The following SFXN5 variants were observed in gnomAD, a reference collection of about 807,000 sequenced individuals.
SFXN5 encodes the protein sideroflexin 5, also known as sideroflexin-5.
A neutral mutation model predicts 50.2 loss-of-function variants in SFXN5; 43 were observed. The ratio of observed to expected loss-of-function variants is 0.86; its 90% CI spans 0.67 to 1.11. The LOEUF is 1.11. SFXN5 is among the 50% of genes least tolerant of loss of function. The pLI is 0.00. For missense variants in SFXN5, 463 were observed against 454.1 expected (o/e 1.02, Z -0.18); for synonymous variants, 203 against 185.8 (o/e 1.09, Z -0.75).
intron 10 of SFXN5, among the ~76,000 whole-genome samples, chr2:72,977,226 G>A (rs552388556): frequency 1.3e-4 from 20 of 152,272 alleles, no homozygotes; most frequent in African/African-American, 3.9e-4. Context: ...GCAACACTGC[G>A]GGAAGCACCC....
At chr2:72,969,546 C>T (rs1674901261) in intron 11 of SFXN5, among the ~76,000 whole-genome samples, 1 of 151,938 alleles carries the variant, frequency 6.6e-6, no homozygotes, top group Admixed American at 6.6e-5. Flanking sequence ...AGGCATGCCC[C>T]ACCACACCCA....
At position 72,945,150 on chromosome 2, in the gene SFXN5, A is replaced by G; in HGVS notation, c.946-51T>C. 2 of 1,555,742 alleles carry G rather than the reference A, an allele frequency of 1.3e-6. No individual in the cohort carries two copies. Among genetic ancestry groups the G allele is most frequent in the Non-Finnish European group, 1.8e-6 (2 of 1,132,150 alleles). ...AGTGGGGGAGTGGGAAGGGGCAAATAGTGGGGCTGGGAGCTGCAGTGAGGA... is the reference window on the plus strand; with the variant it reads ...AGTGGGGGAGTGGGAAGGGGCAAATGGTGGGGCTGGGAGCTGCAGTGAGGA... On this transcript the variant is annotated intron_variant, in intron 13 of 13. Coordinates refer to ENST00000272433, the MANE Select transcript of SFXN5 (RefSeq NM_144579.3). The surrounding 1 kb of genome is among the most constrained non-coding windows in gnomAD (Gnocchi z 5.8).
intron 3 of SFXN5, among the ~76,000 whole-genome samples, chr2:73,027,286 G>A (rs932046345): frequency 6.6e-6 from 1 of 152,080 alleles, no homozygotes; most frequent in Non-Finnish European, 1.5e-5. Context: ...TAACAAAAAC[G>A]TTTAGAAAGT....
At chr2:72,946,937 TC>T (rs1672009803) in intron 13 of SFXN5, among the ~76,000 whole-genome samples, 1 of 152,180 alleles carries the variant, frequency 6.6e-6, no homozygotes, top group South Asian at 2.1e-4. Context: ...TGATTTTGGT[TC>T]CTCGCACACC....
At chr2:73,043,791 G>A (rs1234688026) in intron 2 of SFXN5, among the ~76,000 whole-genome samples, 2 of 152,174 alleles carry the variant, frequency 1.3e-5, no homozygotes, top group Non-Finnish European at 2.9e-5. Flanking sequence ...TCTTAAATCT[G>A]TAAACATACC....
At chr2:73,018,159 G>A (rs966441318) in intron 6 of SFXN5, among the ~76,000 whole-genome samples, 2 of 151,478 alleles carry the variant, frequency 1.3e-5, no homozygotes, top group Non-Finnish European at 2.9e-5. Flanking sequence ...AGTGAGCCAT[G>A]ATCCTGCCAC....
At chr2:73,065,963 A>C (rs1683147391) in intron 1 of SFXN5, among the ~76,000 whole-genome samples, 1 of 152,178 alleles carries the variant, frequency 6.6e-6, no homozygotes, top group African/African-American at 2.4e-5. Context: ...TCTGGGCCGG[A>C]AGGAAAAACA....
chr2:73,041,173 T>A (rs1217275779), intron 2 of SFXN5, among the ~76,000 whole-genome samples: 3 of 152,136 alleles, frequency 2.0e-5, no homozygotes, highest in African/African-American at 7.2e-5. Context: ...TTTTGTTGAG[T>A]GAAAAAGCAA....
At chr2:72,957,785 CAG>C (rs1673274061) in intron 13 of SFXN5, among the ~76,000 whole-genome samples, 1 of 152,226 alleles carries the variant, frequency 6.6e-6, no homozygotes, top group African/African-American at 2.4e-5. Flanking sequence ...GGGTCCCAAA[CAG>C]GGCTCAAAAC....
At chr2:72,986,679 T>C (rs1464267870) in intron 10 of SFXN5, among the ~76,000 whole-genome samples, 2 of 152,222 alleles carry the variant, frequency 1.3e-5, no homozygotes, top group African/African-American at 4.8e-5. Context: ...TGTTTATTTC[T>C]TTTTAGTTTT....
intron 10 of SFXN5, among the ~76,000 whole-genome samples, chr2:72,987,561 G>A (rs7600202): frequency 6.6e-6 from 1 of 151,290 alleles, no homozygotes; most frequent in African/African-American, 2.4e-5. Flanking sequence ...TTCGAGACCA[G>A]CCTGGCCAAC....
intron 2 of SFXN5, chr2:73,044,701 T>C (rs573889453): frequency 6.6e-6 from 1 of 152,286 alleles, no homozygotes; most frequent in Non-Finnish European, 1.5e-5. Context: ...GGGGCCCGGC[T>C]GTGGTTAGTG....
In SFXN5 at chr2:72,947,774, C is replaced by T. The variant is rs137942147; in HGVS notation, c.946-2675G>A. Among the ~76,000 whole-genome samples the T allele has an allele frequency of 8.0e-4, 121 of 152,140 alleles. 1 individual carries two copies. The East Asian group carries it at 0.02, about 25-fold the overall frequency. On this transcript the variant is annotated intron_variant, in intron 13 of 13. Transcript: ENST00000272433. ...AAACAGAGGAGAGCCAGGCTGAGGG[C>T]CCAGGCCTCTTCGCCACTCCGTCTT... is the stretch of plus-strand genomic sequence containing the variant.
chr2:73,034,753 C>T (rs1171177533), intron 3 of SFXN5, among the ~76,000 whole-genome samples: 1 of 152,208 alleles, frequency 6.6e-6, no homozygotes, highest in Non-Finnish European at 1.5e-5. Flanking sequence ...CTCCCCAGTG[C>T]ACTCTGGCAC....
At chr2:72,972,039 G>T (rs906224209) in intron 10 of SFXN5, among the ~76,000 whole-genome samples, 4 of 152,210 alleles carry the variant, frequency 2.6e-5, no homozygotes, top group South Asian at 4.1e-4. Flanking sequence ...ACCTGAAGTC[G>T]CATCCCCCCT....
chr2:73,061,839 G>C lies in SFXN5; in HGVS notation c.103-3243C>G, dbSNP rs557767541. 7.2e-4 allele frequency among the ~76,000 whole-genome samples: 109 copies of C among 152,230 alleles called. 1 individual carries two copies. In the South Asian group the frequency reaches 0.021, roughly 30 times the overall value. ...CATATTTAGAGTAAAATGCAAGCCA[G>C]TCACAGTGGCTTGCTCCTATAATCC... On this transcript the variant is annotated intron_variant, in intron 1 of 13. Coordinates refer to ENST00000272433, the MANE Select transcript of SFXN5 (RefSeq NM_144579.3).
rs543630698 is a variant in SFXN5 at position 72,961,931 on chromosome 2, T to C, written c.828-683A>G. 6.6e-6 allele frequency among the ~76,000 whole-genome samples: 1 copy of C among 152,244 alleles called. No individual in the cohort carries two copies. The highest frequency in any genetic ancestry group is 6.5e-5 in the Admixed American group (1 of 15,300). ...CAGCTGGTCCCCTGTGCCAGCTTCATCACCAACACAACACAGCTGGCACCC... is the reference window on the plus strand; with the variant it reads ...CAGCTGGTCCCCTGTGCCAGCTTCACCACCAACACAACACAGCTGGCACCC... On this transcript the variant is annotated intron_variant, in intron 12 of 13. Transcript: ENST00000272433. This position sits in a 1 kb window ranked among gnomAD's most constrained non-coding sequence, Gnocchi z 4.4.
At chr2:73,006,098 C>A (rs1012471281) in intron 6 of SFXN5, among the ~76,000 whole-genome samples, 16 of 152,118 alleles carry the variant, frequency 1.1e-4, no homozygotes, top group Admixed American at 9.8e-4. Context: ...CAGTTCTGAG[C>A]CCTGGCTCAG....
chr2:72,968,593 C>G (rs1674759639), intron 11 of SFXN5, 60 bp from the exon 12 acceptor site: 1 of 1,514,814 alleles, frequency 6.6e-7, no homozygotes, highest in African/African-American at 1.4e-5. Flanking sequence ...GGACAGCACA[C>G]CACCCAGAGC....
Sources: allele counts gnomAD v4.1 joint callset (sites outside exome capture counted in the v4.1 genomes callset), GRCh38; gene constraint gnomAD v4.1.1; non-coding constraint Gnocchi (gnomAD v3.1); transcripts MANE v1.5; gene names NCBI Gene and HGNC (gene_info 2026-07-23, HGNC 2026-07-21).